Variants in CHRNB3 observed in about 807,000 individuals in gnomAD.
The protein encoded by CHRNB3 is cholinergic receptor nicotinic beta 3 subunit.
A neutral mutation model predicts 40.6 loss-of-function variants in CHRNB3; 37 were observed. The ratio of observed to expected loss-of-function variants is 0.91; its 90% CI spans 0.70 to 1.20. The LOEUF is 1.20. Ranked by LOEUF, CHRNB3 falls within the 50% of genes most tolerant of loss-of-function variation. The probability of loss-of-function intolerance (pLI) is 0.00; values close to 1 mark genes in which losing one functional copy is unlikely to be tolerated. For missense variants in CHRNB3, 505 were observed against 551.2 expected (o/e 0.92, Z 0.84); for synonymous variants, 207 against 207.1 (o/e 1.00, Z 0.00).
rs1816528678 is a variant in CHRNB3, at chr8:42,736,584, C to G, written c.1343C>G (p.Pro448Arg). The G allele has an allele frequency of 1.2e-6, 2 of 1,614,044 alleles. No homozygotes were observed. Among genetic ancestry groups the G allele is most frequent in the Admixed American group, 1.7e-5 (1 of 59,992 alleles). Residue 448 changes from proline (P) to arginine (R), a missense_variant, in exon 6 of 6, where the codon CCT becomes CGT. Physicochemically the swap from Pro to Arg is moderately radical, Grantham distance 103. Transcript: ENST00000289957. The stretch of plus-strand genomic sequence containing the variant: ...ACAGGCTCGGTTCTGATTTTTACCC[C>G]TGCTTTGAAGATGTGGCTACATAGT... The part of the protein sequence containing the change: ...SVTGSVLIFT[P>R]ALKMWLHSYH
chr8:42,715,596 A>G (rs1263799337), intron 3 of CHRNB3, among the ~76,000 whole-genome samples: 1 of 152,082 alleles, frequency 6.6e-6, no homozygotes, highest in Non-Finnish European at 1.5e-5. Context: ...CAAATGAGAT[A>G]CTTGTGGGGT....
intron 3 of CHRNB3, among the ~76,000 whole-genome samples, chr8:42,718,164 TAAC>T (rs1816152289): frequency 6.6e-6 from 1 of 152,054 alleles, no homozygotes; most frequent in African/African-American, 2.4e-5. Flanking sequence ...TTCTTGGCCT[TAAC>T]AACTCATGAA....
In CHRNB3 at chr8:42,732,134, C is replaced by G; in HGVS notation, c.827C>G (p.Thr276Arg). The G allele has an allele frequency of 6.2e-7, 1 of 1,612,666 alleles. No individual in the cohort carries two copies. Among genetic ancestry groups the G allele is most frequent in the Non-Finnish European group, 8.5e-7 (1 of 1,179,634 alleles). The change falls in exon 5 of 6, where the codon ACA becomes AGA. Residue 276 changes from threonine (T) to arginine (R), a missense_variant. Transcript: ENST00000289957. ...SLSTSVLVSL[T>R]VFLLVIEEII... ...TCCACATCGGTCTTGGTTTCTCTGACAGTTTTCCTTTTAGTGATTGAAGAA... is the reference window on the plus strand; with the variant it reads ...TCCACATCGGTCTTGGTTTCTCTGAGAGTTTTCCTTTTAGTGATTGAAGAA...
At position 42,717,373 on chromosome 8, in the gene CHRNB3, CAAAAAAAAAAA is replaced by C. The variant is rs1169333899; in HGVS notation, c.249+6961_249+6971del. The stretch of plus-strand genomic sequence containing the variant: ...TGGGTGACAGAGCGAGACTCCGTCT[CAAAAAAAAAAA>C]AAAAAAAAAAAAAAAAAAAAAGCCG... On this transcript the variant is annotated intron_variant, in intron 3 of 5. Coordinates refer to ENST00000289957, the MANE Select transcript of CHRNB3 (RefSeq NM_000749.5). Among the ~76,000 whole-genome samples, 62 of 11,200 alleles carry C rather than the reference CAAAAAAAAAAA, an allele frequency of 5.5e-3. 7 individuals are homozygous for C. Among genetic ancestry groups the C allele is most frequent in the Admixed American group, 0.012 (7 of 592 alleles). The allele number at this position is 11,200 out of a possible 152,430, so 7.3% of individuals were successfully genotyped here.
chr8:42,732,660 A>G, intron 5 of CHRNB3, 111 bp downstream of exon 5: 2 of 1,002,874 alleles, frequency 2.0e-6, no homozygotes, highest in Non-Finnish European at 2.8e-6. Context: ...GACGTTATAT[A>G]AGACATGCTT....
At chr8:42,722,176 C>T (rs1012597546) in intron 3 of CHRNB3, among the ~76,000 whole-genome samples, 5 of 152,104 alleles carry the variant, frequency 3.3e-5, no homozygotes, top group Middle Eastern at 6.8e-3. Context: ...GAATTCGAGA[C>T]CAGCCTGACC....
At chr8:42,727,738 C>T (rs183703487) in intron 3 of CHRNB3, among the ~76,000 whole-genome samples, 1 of 152,212 alleles carries the variant, frequency 6.6e-6, no homozygotes, top group Admixed American at 6.5e-5. Flanking sequence ...TGGTGTGCAC[C>T]TGTAGTCTCA....
chr8:42,723,854 G>A (rs1816260344), intron 3 of CHRNB3, among the ~76,000 whole-genome samples: 1 of 152,190 alleles, frequency 6.6e-6, no homozygotes, highest in African/African-American at 2.4e-5. Context: ...GGGAGGCTAA[G>A]GCAGGTGGAT....
chr8:42,736,789 C>A lies in CHRNB3; in HGVS notation c.*171C>A, dbSNP rs1816533129. The A allele has an allele frequency of 1.7e-5, 14 of 807,302 alleles. No homozygotes were observed. In the East Asian group the frequency reaches 3.3e-4, roughly 19 times the overall value. The allele number at this position is 807,302 out of a possible 1,614,324, so 50.0% of individuals were successfully genotyped here. ...TGGTAAATGTGCTCATTTGTGGTTG[C>A]CATGAGAGTGAGCTGCTTTTAAAGA... is the stretch of plus-strand genomic sequence containing the variant. On this transcript the variant is annotated 3_prime_UTR_variant, in exon 6 of 6. Coordinates refer to ENST00000289957, the MANE Select transcript of CHRNB3 (RefSeq NM_000749.5).
At chr8:42,727,351 C>A (rs561000292) in intron 3 of CHRNB3, among the ~76,000 whole-genome samples, 7 of 130,570 alleles carry the variant, frequency 5.4e-5, no homozygotes, top group Admixed American at 3.6e-4. Flanking sequence ...CCAGCCTGGG[C>A]GATAGAGTGA....
At chr8:42,733,209 C>T (rs764585140) in intron 5 of CHRNB3, among the ~76,000 whole-genome samples, 1 of 151,766 alleles carries the variant, frequency 6.6e-6, no homozygotes, top group Non-Finnish European at 1.5e-5. Flanking sequence ...GCGTGCTTGT[C>T]CTAGCACTTT....
Position 42,731,992 on chromosome 8 carries a change from C to T in CHRNB3, c.685C>T (p.Leu229=). The T allele has an allele frequency of 6.2e-7, 1 of 1,614,014 alleles. No homozygotes were observed. Among genetic ancestry groups the T allele is most frequent in the South Asian group, 1.1e-5 (1 of 91,058 alleles). Residue 229 remains leucine (L), a synonymous_variant, in exon 5 of 6, where the codon CTG becomes TTG. Coordinates refer to ENST00000289957, the MANE Select transcript of CHRNB3 (RefSeq NM_000749.5). ...SYPFITYSFV[L]RRLPLFYTLF... is the part of the protein sequence containing the mutation. ...TCCCTTTATCACGTATTCCTTCGTC[C>T]TGAGACGCCTGCCTTTATTCTATAC...
At chr8:42,707,828 G>A (rs926859075) in intron 1 of CHRNB3, among the ~76,000 whole-genome samples, 21 of 152,226 alleles carry the variant, frequency 1.4e-4, no homozygotes, top group Admixed American at 1.4e-3. Context: ...CAGTGACCAT[G>A]TGCCGACTCT....
At chr8:42,717,983 C>G (rs975180380) in intron 3 of CHRNB3, among the ~76,000 whole-genome samples, 4 of 151,846 alleles carry the variant, frequency 2.6e-5, no homozygotes, top group African/African-American at 7.3e-5. Flanking sequence ...CAGGCATGTG[C>G]CACCATGCCT....
chr8:42,736,142 C>T (rs1452537572), intron 5 of CHRNB3, among the ~76,000 whole-genome samples: 2 of 152,176 alleles, frequency 1.3e-5, no homozygotes, highest in African/African-American at 4.8e-5. Flanking sequence ...GCTGGGATTA[C>T]AGGCGTGAGC....
intron 1 of CHRNB3, among the ~76,000 whole-genome samples, chr8:42,697,805 T>C (rs1815701990): frequency 6.6e-6 from 1 of 152,106 alleles, no homozygotes; most frequent in African/African-American, 2.4e-5. Context: ...ATTTTCATAA[T>C]GTTTATGTTT....
At chr8:42,708,251 G>A (rs1265980103) in intron 1 of CHRNB3, among the ~76,000 whole-genome samples, 1 of 152,174 alleles carries the variant, frequency 6.6e-6, no homozygotes, top group East Asian at 1.9e-4. Context: ...CAGACCACGA[G>A]GTCAGGAGAT....
intron 3 of CHRNB3, among the ~76,000 whole-genome samples, chr8:42,716,836 T>A (rs147411976): frequency 2.2e-4 from 33 of 152,146 alleles, no homozygotes; most frequent in African/African-American, 8.0e-4. Flanking sequence ...TGGGCGCTGT[T>A]GCATATAAAA....
intron 2 of CHRNB3, among the ~76,000 whole-genome samples, chr8:42,709,452 T>C (rs1289045291): frequency 6.6e-6 from 1 of 151,590 alleles, no homozygotes; most frequent in Non-Finnish European, 1.5e-5. Flanking sequence ...AAAATTGTCC[T>C]TCTATGATCC....
Sources: gnomAD v4.1 joint callset for allele counts (sites outside exome capture counted in the v4.1 genomes callset) on GRCh38, gnomAD v4.1.1 for gene constraint, MANE v1.5 for transcripts, NCBI Gene and HGNC (gene_info 2026-07-23, HGNC 2026-07-21) for gene names.